The following SYVN1 variants were observed in gnomAD, a reference collection of about 807,000 sequenced individuals.
SYVN1 encodes the protein synoviolin 1, also known as E3 ubiquitin-protein ligase synoviolin.
A neutral mutation model predicts 62.6 loss-of-function variants in SYVN1; 17 were observed. The observed-to-expected ratio is 0.27, with a 90% CI of 0.19 to 0.41. The LOEUF is 0.41. SYVN1 is among the 10% of genes least tolerant of loss of function. SYVN1 has a pLI of 1.00. For synonymous variants in SYVN1, 316 were observed against 304.0 expected (o/e 1.04, Z -0.41); for missense variants, 634 against 818.0 (o/e 0.78, Z 2.74).
Position 65,131,460 on chromosome 11 carries a change from C to T in SYVN1, c.658+10G>A. ...TGGTCCAGATCAGGAGAGGCCCAGG[C>T]CCCTCTCACCTGTAAACAGCTCTGT... On this transcript the variant is annotated intron_variant, in intron 7 of 15. Transcript: ENST00000377190. 1 of 1,614,034 alleles carries T rather than the reference C, an allele frequency of 6.2e-7. No individual in the cohort carries two copies. The highest frequency in any genetic ancestry group is 8.5e-7 in the Non-Finnish European group (1 of 1,179,952).
chr11:65,132,182 G>T, intron 6 of SYVN1, 66 bp downstream of exon 6: 1 of 1,262,374 alleles, frequency 7.9e-7, no homozygotes, highest in Non-Finnish European at 1.2e-6. Flanking sequence ...AGGGTCTGTT[G>T]GGTTATTCAA....
Position 65,130,113 on chromosome 11 carries a change from C to T in SYVN1, c.1297G>A (p.Ala433Thr), listed in dbSNP as rs1365703531. The change falls in exon 13 of 16, where the codon GCT (alanine) becomes ACT (threonine). Residue 433 changes from alanine (A) to threonine (T), a missense_variant. Transcript: ENST00000377190. ...CCTGGGCCAGATGCTGTGGCAGAAG[C>T]AGCAGTAGCACTGGTGCCAGCAGCT... ...TTAAGTSATA[A>T]SATASGPGSG... is the part of the protein sequence containing the mutation. 6.2e-7 allele frequency: 1 copy of T among 1,611,484 alleles called. No individual in the cohort carries two copies. The highest frequency in any genetic ancestry group is 1.3e-5 in the African/African-American group (1 of 75,008).
At chr11:65,132,536 A>T (rs1468762000) in intron 5 of SYVN1, 185 bp from the exon 6 acceptor site, 10 of 781,550 alleles carry the variant, frequency 1.3e-5, no homozygotes, top group Non-Finnish European at 2.1e-5. Flanking sequence ...GGGGCTGCCC[A>T]GGCTGCAGGT....
rs765919191 is a variant in SYVN1 at position 65,128,588 on chromosome 11, TGGTGGGGAGGCTCCTGG to T, written c.1705_1721del (p.Pro569SerfsTer3). ...CTGGAGGCCTTTCCATTTCAGGGGC[TGGTGGGGAGGCTCCTGG>T]GGTTGGGGTCGTGGCCTCTGAGCTA... On this transcript the variant is annotated frameshift_variant, in exon 15 of 16. Transcript: ENST00000377190. LOFTEE classifies it high-confidence loss of function. 6.2e-7 allele frequency: 1 copy of T among 1,614,054 alleles called. No individual in the cohort carries two copies. Among genetic ancestry groups the T allele is most frequent in the Non-Finnish European group, 8.5e-7 (1 of 1,179,994 alleles).
intron 5 of SYVN1, 47 bp from the exon 6 acceptor site, chr11:65,132,398 C>T: frequency 7.4e-7 from 1 of 1,346,992 alleles, no homozygotes; most frequent in Non-Finnish European, 1.1e-6. Flanking sequence ...AGCCCAGGGC[C>T]CAACAGCTGT....
rs780388228 is a variant in SYVN1, at chr11:65,129,747, G to A, written c.1577C>T (p.Thr526Ile). Reference sequence around the variant, plus strand: ...GACACACCCCAAGGAGGCCAGCACGGTGAGGTACTGGTTGATCTGCAGCAT... The same window carrying A: ...GACACACCCCAAGGAGGCCAGCACGATGAGGTACTGGTTGATCTGCAGCAT... ...AAMLQINQYL[T>I]VLASLGPPRP... Residue 526 changes from threonine to isoleucine, a missense_variant, in exon 14 of 16, where the codon ACC (threonine) becomes ATC (isoleucine). This residue lies in a region of SYVN1 where 351 missense variants were observed against 373.3 expected (regional missense o/e 0.94). Coordinates refer to ENST00000377190, the MANE Select transcript of SYVN1 (RefSeq NM_172230.3). 4 of 1,614,120 alleles carry A rather than the reference G, an allele frequency of 2.5e-6. No homozygotes were observed. The highest frequency in any genetic ancestry group is 1.7e-6 in the Non-Finnish European group (2 of 1,180,038).
chr11:65,133,132 C>T, intron 3 of SYVN1, 28 bp downstream of exon 3: 1 of 1,614,190 alleles, frequency 6.2e-7, no homozygotes, highest in Non-Finnish European at 8.5e-7. Flanking sequence ...GCACCCTGCC[C>T]TCACCTTTGG....
In SYVN1 at chr11:65,128,361, T is replaced by TGGGGC; in HGVS notation, c.*16_*20dup. On this transcript the variant is annotated 3_prime_UTR_variant, in exon 16 of 16. Transcript: ENST00000377190. ...GAGGGCTGCTCAAAAGAGCAGAGGCTGGGGCTGGGCTGGGGCAGTGTCAGT... is the reference window on the plus strand; with the variant it reads ...GAGGGCTGCTCAAAAGAGCAGAGGCTGGGGCGGGGCTGGGCTGGGGCAGTGTCAGT... 10 of 1,598,766 alleles carry TGGGGC rather than the reference T, an allele frequency of 6.3e-6. No individual in the cohort carries two copies. Among genetic ancestry groups the TGGGGC allele is most frequent in the South Asian group, 1.1e-5 (1 of 90,258 alleles).
intron 2 of SYVN1, 25 bp downstream of exon 2, chr11:65,133,427 TTCCCTCCCAGGGAGTTCC>T: frequency 6.2e-7 from 1 of 1,606,076 alleles, no homozygotes; most frequent in Non-Finnish European, 8.5e-7. Context: ...AGACTCCTCC[TTCCCTCCCAGGGAGTTCC>T]TCCCTCCCTG....
intron 14 of SYVN1, 154 bp downstream of exon 14, chr11:65,129,575 G>A: frequency 1.6e-6 from 1 of 641,132 alleles, no homozygotes; most frequent in East Asian, 2.8e-5. Flanking sequence ...AAAGGCACCA[G>A]GAGTTACCAA....
At position 65,130,650 on chromosome 11, in the gene SYVN1, G is replaced by C. The variant is rs768253025; in HGVS notation, c.1105+10C>G. On this transcript the variant is annotated intron_variant, in intron 11 of 15. Transcript: ENST00000377190. ...TGGTATGCCGGGTGGCCAGACAAGG[G>C]GATACTCACAGTTGGGGGGCTGAGG... 2 of 1,385,500 alleles carry C rather than the reference G, an allele frequency of 1.4e-6. No homozygotes were observed. The highest frequency in any genetic ancestry group is 1.9e-6 in the Non-Finnish European group (2 of 1,056,876). 85.8% of individuals were successfully genotyped at this position (1,385,500 alleles called of 1,614,324 possible).
Position 65,132,686 on chromosome 11 carries a change from G to C in SYVN1, c.427+46C>G, listed in dbSNP as rs116470521. 4,971 of 1,602,590 alleles carry C rather than the reference G, an allele frequency of 3.1e-3. 132 individuals are homozygous for C. The African/African-American group carries it at 0.055, about 18-fold the overall frequency. On this transcript the variant is annotated intron_variant, in intron 5 of 15. Transcript: ENST00000377190. The stretch of plus-strand genomic sequence containing the variant: ...CCTGTGCTCTGGAGTACAGGTCCAC[G>C]GTTCACGTTCCAGTCCTCCCTTCCC...
chr11:65,131,228 G>C, intron 8 of SYVN1, 31 bp from the exon 9 acceptor site: 1 of 1,614,046 alleles, frequency 6.2e-7, no homozygotes, highest in Non-Finnish European at 8.5e-7. Context: ...AGCAGGAGAA[G>C]GGACGGGATC....
At position 65,130,141 on chromosome 11, in the gene SYVN1, G is replaced by T; in HGVS notation, c.1269C>A (p.Thr423=). The change falls in exon 13 of 16, where the codon ACC becomes ACA. Residue 423 remains threonine, a synonymous_variant. Coordinates refer to ENST00000377190, the MANE Select transcript of SYVN1 (RefSeq NM_172230.3). The part of the protein sequence containing the change: ...ALSRPSGAAT[T]TAAGTSATAA... ...CAGTAGCACTGGTGCCAGCAGCTGTGGTTGTAGCTGCTCCACTGGGCCGAG... is the reference window on the plus strand; with the variant it reads ...CAGTAGCACTGGTGCCAGCAGCTGTTGTTGTAGCTGCTCCACTGGGCCGAG... The T allele has an allele frequency of 6.2e-7, 1 of 1,609,174 alleles. No homozygotes were observed. The highest frequency in any genetic ancestry group is 8.5e-7 in the Non-Finnish European group (1 of 1,177,044).
At chr11:65,128,901 G>T in intron 14 of SYVN1, 187 bp from the exon 15 acceptor site, 1 of 637,292 alleles carries the variant, frequency 1.6e-6, no homozygotes, top group Non-Finnish European at 2.7e-6. Flanking sequence ...AGGGCCAAAT[G>T]ATTCTATCCC....
At position 65,130,664 on chromosome 11, in the gene SYVN1, G is replaced by T; in HGVS notation, c.1101C>A (p.Pro367=). ...PHPPPLLPQP[P]NFPQGLLPPF... ...GCCAGACAAGGGGATACTCACAGTTGGGGGGCTGAGGCAAGAGTGGTGGGG... is the reference window on the plus strand; with the variant it reads ...GCCAGACAAGGGGATACTCACAGTTTGGGGGCTGAGGCAAGAGTGGTGGGG... Residue 367 remains proline (P), a synonymous_variant, in exon 11 of 16, where the codon CCC becomes CCA. Transcript: ENST00000377190. 6.7e-7 allele frequency: 1 copy of T among 1,500,360 alleles called. No homozygotes were observed. The highest frequency in any genetic ancestry group is 8.9e-7 in the Non-Finnish European group (1 of 1,126,302). 92.9% of individuals were successfully genotyped at this position (1,500,360 alleles called of 1,614,324 possible).
Position 65,129,925 on chromosome 11 carries a change from G to A in SYVN1, c.1409-10C>T, listed in dbSNP as rs371083440. 1.2e-6 allele frequency: 2 copies of A among 1,612,392 alleles called. No individual in the cohort carries two copies. Among genetic ancestry groups the A allele is most frequent in the Non-Finnish European group, 1.7e-6 (2 of 1,178,834 alleles). On this transcript the variant is annotated splice_polypyrimidine_tract_variant and intron_variant, in intron 13 of 15. Transcript: ENST00000377190. ...GGCATTGGGGGGAAGGCTGGAGAGA[G>A]AGAGGCTCAGTCTGGGCTGCTGGGG... is the stretch of plus-strand genomic sequence containing the variant.
chr11:65,132,191 A>T, intron 6 of SYVN1, 57 bp downstream of exon 6: 1 of 1,370,424 alleles, frequency 7.3e-7, no homozygotes, highest in Middle Eastern at 1.8e-4. Flanking sequence ...TGGGTTATTC[A>T]AGGCACATGT....
At position 65,130,912 on chromosome 11, in the gene SYVN1, C is replaced by T. The variant is rs974207187; in HGVS notation, c.941+8G>A. 1 of 1,613,694 alleles carries T rather than the reference C, an allele frequency of 6.2e-7. No homozygotes were observed. Among genetic ancestry groups the T allele is most frequent in the East Asian group, 2.2e-5 (1 of 44,890 alleles). On this transcript the variant is annotated splice_region_variant and intron_variant, in intron 10 of 15. Coordinates refer to ENST00000377190, the MANE Select transcript of SYVN1 (RefSeq NM_172230.3). ...CCTGCTGTGCAGGCTCCCCAGGGCC[C>T]CTCCCACCTGGTATGGAAAATGTGG...
Sources: gnomAD v4.1 joint callset for allele counts on GRCh38, gnomAD v4.1.1 for gene constraint, gnomAD v4.1.1 regional missense constraint, MANE v1.5 for transcripts, NCBI Gene and HGNC (gene_info 2026-07-23, HGNC 2026-07-21) for gene names.